The following HLCS variants were observed in gnomAD, a reference collection of about 807,000 sequenced individuals.
The protein encoded by HLCS is holocarboxylase synthetase.
HLCS carries 53 observed loss-of-function variants against 75.0 expected under a neutral mutation model. The observed-to-expected ratio is 0.71, with a 90% CI of 0.57 to 0.89. The LOEUF (loss-of-function observed/expected upper bound fraction) is 0.89, where lower values mean the gene tolerates loss of function less well. HLCS is among the 40% of genes least tolerant of loss of function. The pLI, the probability that HLCS is intolerant of heterozygous loss-of-function variation, is 0.00. For missense variants in HLCS, 966 were observed against 1,074.0 expected (o/e 0.90, Z 1.41); for synonymous variants, 431 against 428.6 (o/e 1.01, Z -0.07).
chr21:36,853,079 T>G (rs2063067985), intron 6 of HLCS, among the ~76,000 whole-genome samples: 1 of 152,128 alleles, frequency 6.6e-6, no homozygotes, highest in Non-Finnish European at 1.5e-5. Context: ...CACCTCGAGA[T>G]TCTCATGATG....
At chr21:36,906,435 G>A (rs1455725455) in intron 5 of HLCS, among the ~76,000 whole-genome samples, 7 of 152,318 alleles carry the variant, frequency 4.6e-5, no homozygotes, top group Non-Finnish European at 2.9e-5. Flanking sequence ...TCAGGAGGCT[G>A]AGGTGAGAGG....
intron 6 of HLCS, among the ~76,000 whole-genome samples, chr21:36,771,054 C>T (rs985968579): frequency 6.6e-6 from 1 of 151,776 alleles, no homozygotes; most frequent in Admixed American, 6.6e-5. Context: ...CCCGTCTCTA[C>T]TAAAAATACA....
At chr21:36,810,794 C>A (rs1312969388) in intron 6 of HLCS, among the ~76,000 whole-genome samples, 1 of 152,156 alleles carries the variant, frequency 6.6e-6, no homozygotes. Context: ...AAAAACAGCT[C>A]ATTCCAGAGC....
chr21:36,944,747 G>A (rs536949531), intron 2 of HLCS, among the ~76,000 whole-genome samples: 1 of 152,232 alleles, frequency 6.6e-6, no homozygotes, highest in South Asian at 2.1e-4. Context: ...ACCTCGTCAA[G>A]CTCCCTTCAT....
At chr21:36,883,337 G>A (rs976509634) in intron 6 of HLCS, among the ~76,000 whole-genome samples, 3 of 152,164 alleles carry the variant, frequency 2.0e-5, no homozygotes, top group African/African-American at 7.2e-5. Context: ...GGAAGAGAGG[G>A]ATGCCTAACA....
At chr21:36,896,233 C>G (rs1272082419) in intron 6 of HLCS, among the ~76,000 whole-genome samples, 1 of 152,116 alleles carries the variant, frequency 6.6e-6, no homozygotes, top group South Asian at 2.1e-4. Flanking sequence ...GCCTATAGTC[C>G]CAGCTACTTG....
At chr21:36,757,584 A>G (rs908267680) in intron 9 of HLCS, among the ~76,000 whole-genome samples, 1 of 152,070 alleles carries the variant, frequency 6.6e-6, no homozygotes, top group Non-Finnish European at 1.5e-5. Flanking sequence ...TGACTTTAAG[A>G]AAAAAAATCC....
chr21:36,798,357 C>T lies in HLCS; in HGVS notation c.1893-31072G>A, dbSNP rs568946416. 4.6e-5 allele frequency among the ~76,000 whole-genome samples: 7 copies of T among 152,300 alleles called. No homozygotes were observed. In the East Asian group the frequency reaches 7.7e-4, roughly 17 times the overall value. ...ATTAATATTTTGTTCTTTTATATTG[C>T]TTGGATTCCTAGTTGTATTCTAGTA... On this transcript the variant is annotated intron_variant, in intron 6 of 10. Transcript: ENST00000674895.
chr21:36,756,221 A>G (rs79961519), intron 10 of HLCS, among the ~76,000 whole-genome samples: 144 of 151,958 alleles, frequency 9.5e-4, no homozygotes, highest in Non-Finnish European at 1.2e-3. Context: ...GGCAGATCAC[A>G]AGGTCAGGAG....
intron 6 of HLCS, among the ~76,000 whole-genome samples, chr21:36,783,114 A>G (rs2060583126): frequency 6.6e-6 from 1 of 152,188 alleles, no homozygotes; most frequent in African/African-American, 2.4e-5. Flanking sequence ...CCACCTCAAC[A>G]AGCATGGGTT....
At chr21:36,900,473 G>A (rs2065191468) in intron 5 of HLCS, among the ~76,000 whole-genome samples, 1 of 152,144 alleles carries the variant, frequency 6.6e-6, no homozygotes, top group Non-Finnish European at 1.5e-5. Context: ...CAGAGGGGGT[G>A]GTGAGAGCCA....
intron 6 of HLCS, among the ~76,000 whole-genome samples, chr21:36,822,122 G>A (rs974904011): frequency 6.6e-6 from 1 of 152,146 alleles, no homozygotes; most frequent in Non-Finnish European, 1.5e-5. Context: ...AAGATAAGGT[G>A]ACAAAAGGTC....
chr21:36,942,398 C>CAAAAAAA (rs55999516), intron 2 of HLCS, among the ~76,000 whole-genome samples: 20 of 80,928 alleles, frequency 2.5e-4, no homozygotes, highest in African/African-American at 3.5e-4. Flanking sequence ...GACTCCGTCT[C>CAAAAAAA]AAAAAAAAAA....
intron 10 of HLCS, among the ~76,000 whole-genome samples, chr21:36,754,625 G>C (rs867472211): frequency 6.6e-6 from 1 of 152,194 alleles, no homozygotes; most frequent in Non-Finnish European, 1.5e-5. Context: ...CCAGCAGGAT[G>C]CAAGTTCAAC....
chr21:36,962,334 T>G (rs1467123867), intron 1 of HLCS, among the ~76,000 whole-genome samples, 164 bp from the exon 2 acceptor site: 1 of 152,214 alleles, frequency 6.6e-6, no homozygotes, highest in Non-Finnish European at 1.5e-5. Context: ...GTTTCTTGTT[T>G]AGCTGTGACT....
At chr21:36,856,795 G>A (rs1397529817) in intron 6 of HLCS, among the ~76,000 whole-genome samples, 2 of 152,188 alleles carry the variant, frequency 1.3e-5, no homozygotes, top group Non-Finnish European at 2.9e-5. Context: ...AGGCGGGTAT[G>A]AGCCAGTGCA....
chr21:36,896,909 C>G lies in HLCS; in HGVS notation c.1843G>C (p.Val615Leu), dbSNP rs376210604. ...GGGGTCACTTCGGCAAACAAAATTA[C>G]TTTCCCCAACTGCTTGGTCTGCAGA... ...QNLQTKQLGK[V>L]ILFAEVTPTT... is the part of the protein sequence containing the mutation. Residue 615 changes from valine (V) to leucine (L), a missense_variant, in exon 6 of 11, where the codon GTA becomes CTA. Coordinates refer to ENST00000674895, the MANE Select transcript of HLCS (RefSeq NM_001352514.2). 51 of 1,614,214 alleles carry G rather than the reference C, an allele frequency of 3.2e-5. No individual in the cohort carries two copies. The East Asian group carries it at 3.3e-4, about 11-fold the overall frequency.
At chr21:36,777,198 G>C (rs957504343) in intron 6 of HLCS, among the ~76,000 whole-genome samples, 6 of 152,172 alleles carry the variant, frequency 3.9e-5, no homozygotes, top group Non-Finnish European at 7.3e-5. Context: ...GCATTACACA[G>C]AACAGTTTCC....
intron 6 of HLCS, among the ~76,000 whole-genome samples, chr21:36,787,755 C>T (rs567102083): frequency 2.8e-4 from 42 of 152,284 alleles, no homozygotes; most frequent in South Asian, 6.2e-4. Context: ...CTCCTTCCTA[C>T]CTCACATGAC....
Sources: gnomAD v4.1 joint callset for allele counts (sites outside exome capture counted in the v4.1 genomes callset) on GRCh38, gnomAD v4.1.1 for gene constraint, MANE v1.5 for transcripts, NCBI Gene and HGNC (gene_info 2026-07-23, HGNC 2026-07-21) for gene names.